Variants in KANTR observed in about 807,000 individuals in gnomAD.
KANTR encodes the protein KDM5C adjacent transcript.
At chrX:53,094,259 G>C (rs1932830549) in exon 1 of KANTR, 1 of 111,806 alleles carries the variant, frequency 8.9e-6, no homozygotes. Flanking sequence ...GGCAGGGGCG[G>C]CGGCGGCGAC....
chrX:53,099,086 G>A (rs1251935905), intron 1 of KANTR, among the ~76,000 whole-genome samples: 2 of 111,073 alleles, frequency 1.8e-5, no homozygotes, highest in Non-Finnish European at 3.8e-5. Flanking sequence ...TCCATTAAAG[G>A]AGGGCCTGGC....
chrX:53,115,367 G>C (rs1933107262), intron 2 of KANTR, among the ~76,000 whole-genome samples: 1 of 112,513 alleles, frequency 8.9e-6, no homozygotes, highest in African/African-American at 3.2e-5. Context: ...TGGTGCTGGG[G>C]TGGGCCTGAA....
At chrX:53,137,670 G>A (rs782737129) in intron 2 of KANTR, among the ~76,000 whole-genome samples, 6 of 110,326 alleles carry the variant, frequency 5.4e-5, no homozygotes, top group African/African-American at 2.0e-4. Flanking sequence ...TCGGGAGGCT[G>A]AGGCAGGAGA....
chrX:53,126,609 C>CAA (rs1302038091), exon 3 of KANTR: 4 of 111,917 alleles, frequency 3.6e-5, no homozygotes, highest in Non-Finnish European at 5.6e-5. Context: ...TTAGTGATTA[C>CAA]ATCTGTTATT....
At chrX:53,124,819 T>A (rs2146746518) in exon 3 of KANTR, 1 of 138,315 alleles carries the variant, frequency 7.2e-6, no homozygotes, top group East Asian at 1.7e-4. Flanking sequence ...TTTTTAGACT[T>A]GTTTTATGGC....
At chrX:53,110,185 C>T (rs1188706195) in intron 2 of KANTR, among the ~76,000 whole-genome samples, 2 of 111,855 alleles carry the variant, frequency 1.8e-5, no homozygotes, top group African/African-American at 6.5e-5. Flanking sequence ...TTGACTTATT[C>T]CTCTGGCTGG....
At chrX:53,137,763 C>G (rs1319228326) in intron 2 of KANTR, among the ~76,000 whole-genome samples, 3 of 106,311 alleles carry the variant, frequency 2.8e-5, no homozygotes, top group Non-Finnish European at 3.9e-5. Flanking sequence ...GAGCGAAACT[C>G]CATCTCAAAA....
chrX:53,117,618 T>G (rs1191960632), intron 2 of KANTR, among the ~76,000 whole-genome samples: 2 of 95,683 alleles, frequency 2.1e-5, no homozygotes, highest in African/African-American at 3.9e-5. Context: ...TGTTTTTTTT[T>G]TTTTTTTTTT....
At chrX:53,127,386 A>G (rs1225274462) in exon 3 of KANTR, 1 of 112,307 alleles carries the variant, frequency 8.9e-6, no homozygotes, top group Non-Finnish European at 1.9e-5. Flanking sequence ...CCCCAGTGCC[A>G]AAAACAACAG....
At chrX:53,098,302 T>A (rs1288225764) in intron 1 of KANTR, among the ~76,000 whole-genome samples, 1 of 111,719 alleles carries the variant, frequency 9.0e-6, no homozygotes, top group Non-Finnish European at 1.9e-5. Context: ...AAATACTATA[T>A]TGCTAAAAAA....
At chrX:53,100,185 A>G (rs1271532715) in intron 2 of KANTR, among the ~76,000 whole-genome samples, 4 of 112,424 alleles carry the variant, frequency 3.6e-5, no homozygotes, top group Non-Finnish European at 5.6e-5. Context: ...TTTCAGCTAC[A>G]CTGAAAATCT....
intron 2 of KANTR, among the ~76,000 whole-genome samples, chrX:53,118,057 G>T (rs1422633783): frequency 1.8e-5 from 2 of 112,196 alleles, no homozygotes; most frequent in African/African-American, 6.5e-5. Context: ...TTCATCCGTT[G>T]TTGGACATTT....
chrX:53,140,941 C>T (rs1272419748), intron 2 of KANTR, among the ~76,000 whole-genome samples: 1 of 112,015 alleles, frequency 8.9e-6, no homozygotes, highest in Non-Finnish European at 1.9e-5. Flanking sequence ...GCAGGTGGAT[C>T]ACTTGAGGTT....
chrX:53,115,390 G>C (rs1394316040), intron 2 of KANTR, among the ~76,000 whole-genome samples: 1 of 112,181 alleles, frequency 8.9e-6, no homozygotes, highest in Non-Finnish European at 1.9e-5. Flanking sequence ...CTGGGGCCGG[G>C]GGGGCCAGCC....
chrX:53,146,729 G>A (rs1425921857), downstream of KANTR, among the ~76,000 whole-genome samples: 6 of 109,811 alleles, frequency 5.5e-5, no homozygotes, highest in Middle Eastern at 4.8e-3. Context: ...GAGAAAGGTC[G>A]GGTTACCCAC....
intron 2 of KANTR, among the ~76,000 whole-genome samples, chrX:53,115,329 C>T (rs1933106500): frequency 1.8e-5 from 2 of 111,640 alleles, no homozygotes; most frequent in African/African-American, 3.3e-5. Flanking sequence ...AGGTGCTGGC[C>T]TAATGACTAG....
At chrX:53,107,189 T>C (rs1556812939) in intron 2 of KANTR, among the ~76,000 whole-genome samples, 2 of 102,677 alleles carry the variant, frequency 1.9e-5, no homozygotes, top group East Asian at 2.9e-4. Flanking sequence ...AATTTCTTTC[T>C]TTTTTTTTTT....
downstream of KANTR, among the ~76,000 whole-genome samples, chrX:53,129,883 C>T (rs199894231): frequency 3.4e-4 from 14 of 41,494 alleles, no homozygotes; most frequent in Non-Finnish European, 6.9e-4. Context: ...TATTTATTTA[C>T]TGAGACAGAG....
downstream of KANTR, chrX:53,142,923 C>T: frequency 2.9e-6 from 2 of 691,866 alleles, no homozygotes; most frequent in Non-Finnish European, 4.6e-6. Context: ...AACCACCAAT[C>T]CACACCGAGT....
Sources: gnomAD v4.1 joint callset for allele counts (sites outside exome capture counted in the v4.1 genomes callset) on GRCh38, gnomAD v4.1.1 for gene constraint, MANE v1.5 for transcripts, NCBI Gene and HGNC (gene_info 2026-07-23, HGNC 2026-07-21) for gene names.